CNTNAP3: variants seen among roughly 807,000 people sequenced by gnomAD.
CNTNAP3 encodes contactin associated protein family member 3.
Under a neutral mutation model 92.1 loss-of-function variants are expected in CNTNAP3, and 36 were observed. That is an observed-to-expected ratio of 0.39 (90% CI 0.30 to 0.52). The LOEUF is 0.52. Among genes scored for constraint, CNTNAP3 ranks in the 20% least tolerant of loss-of-function variants. The probability of loss-of-function intolerance (pLI) is 0.76; values close to 1 mark genes in which losing one functional copy is unlikely to be tolerated. For synonymous variants in CNTNAP3, 232 were observed against 422.3 expected, an observed-to-expected ratio of 0.55 and a Z score of 5.53; for missense variants, 534 against 1,069.6, an observed-to-expected ratio of 0.50 and a Z score of 6.98.
chr9:39,084,612 T>A (rs1587698173), intron 21 of CNTNAP3, among the ~76,000 whole-genome samples: 1 of 152,304 alleles, frequency 6.6e-6, no homozygotes. Context: ...ATTAGTGGCT[T>A]CTCTATTAGC....
At chr9:39,096,672 T>C (rs561582341) in intron 18 of CNTNAP3, among the ~76,000 whole-genome samples, 1 of 151,470 alleles carries the variant, frequency 6.6e-6, no homozygotes, top group South Asian at 2.1e-4. Flanking sequence ...AGTTTCTTCA[T>C]GACAATAGTT....
intron 21 of CNTNAP3, among the ~76,000 whole-genome samples, chr9:39,084,656 A>C: frequency 6.6e-6 from 1 of 152,196 alleles, no homozygotes; most frequent in Non-Finnish European, 1.5e-5. Context: ...TAAGTTAAGG[A>C]AAGCACTTCC....
chr9:39,099,306 C>T (rs1826398110), intron 18 of CNTNAP3, among the ~76,000 whole-genome samples: 1 of 152,298 alleles, frequency 6.6e-6, no homozygotes, highest in East Asian at 1.9e-4. Context: ...TGATACCCCA[C>T]TGCACTCCTC....
chr9:39,085,469 A>G, intron 21 of CNTNAP3: 1 of 454,272 alleles, frequency 2.2e-6, no homozygotes. Context: ...AAGAAGGATT[A>G]GAAAAATACC....
intron 13 of CNTNAP3, among the ~76,000 whole-genome samples, chr9:39,127,937 C>T (rs1449914562): frequency 2.6e-5 from 4 of 152,222 alleles, no homozygotes; most frequent in African/African-American, 9.6e-5. Context: ...CTCCCAAGTT[C>T]AAGCGATTCT....
At chr9:39,097,433 G>T (rs1826351457) in intron 18 of CNTNAP3, among the ~76,000 whole-genome samples, 1 of 151,976 alleles carries the variant, frequency 6.6e-6, no homozygotes. Flanking sequence ...TTCTTGCCTT[G>T]CCTCTCCTGG....
At chr9:39,083,264 A>G (rs536888736) in intron 21 of CNTNAP3, among the ~76,000 whole-genome samples, 6 of 152,210 alleles carry the variant, frequency 3.9e-5, no homozygotes, top group African/African-American at 1.4e-4. Context: ...ATTCATATGC[A>G]ACTGTTTACA....
At chr9:39,102,874 T>C (rs1254382559) in intron 16 of CNTNAP3, among the ~76,000 whole-genome samples, 159 bp from the exon 17 acceptor site, 1 of 152,148 alleles carries the variant, frequency 6.6e-6, no homozygotes, top group African/African-American at 2.4e-5. Flanking sequence ...AGAATAAATC[T>C]GTATCCTGGA....
intron 13 of CNTNAP3, among the ~76,000 whole-genome samples, chr9:39,130,501 T>C (rs1821257335): frequency 7.4e-6 from 1 of 135,644 alleles, no homozygotes; most frequent in Non-Finnish European, 1.7e-5. Context: ...AATTCTTTTT[T>C]TTTTTTTTTT....
At position 39,109,187 on chromosome 9, in the gene CNTNAP3, G is replaced by A; in HGVS notation, c.2338C>T (p.Leu780=). The A allele has an allele frequency of 6.2e-7, 1 of 1,613,024 alleles. No homozygotes were observed. The highest frequency in any genetic ancestry group is 8.5e-7 in the Non-Finnish European group (1 of 1,179,794). The change falls in exon 15 of 24, where the codon CTG becomes TTG. Residue 780 remains leucine (L), a synonymous_variant. Transcript: ENST00000297668. ...GRPHSEAAYT[L]GPLLCRGDQS... ...TCTCCGCGGCAGAGCAGTGGCCCCA[G>A]TGTATAAGCTGCTTCGGAATGTGGT... is the stretch of plus-strand genomic sequence containing the variant.
intron 21 of CNTNAP3, among the ~76,000 whole-genome samples, chr9:39,083,532 G>A (rs183857650): frequency 0.036 from 5,436 of 151,744 alleles, 194 homozygotes; most frequent in Non-Finnish European, 0.043. Context: ...GGTGGTACAT[G>A]CCTGTAATCC....
intron 4 of CNTNAP3, among the ~76,000 whole-genome samples, chr9:39,180,263 ATT>A (rs139815720): frequency 1.3e-3 from 3 of 2,264 alleles, no homozygotes; most frequent in Admixed American, 3.3e-3. Context: ...TATTTGAGCT[ATT>A]TTTTTTTTTT....
At chr9:39,141,284 T>C (rs1359813890) in intron 11 of CNTNAP3, among the ~76,000 whole-genome samples, 6 of 152,190 alleles carry the variant, frequency 3.9e-5, no homozygotes. Context: ...AATAATCTGG[T>C]ATTTTCCCAT....
At chr9:39,139,646 T>C (rs1301427257) in intron 12 of CNTNAP3, 2 of 152,140 alleles carry the variant, frequency 1.3e-5, no homozygotes, top group African/African-American at 4.8e-5. Context: ...TTGCAGAGAG[T>C]TGGAAGAGCT....
intron 18 of CNTNAP3, among the ~76,000 whole-genome samples, chr9:39,095,585 T>A (rs186977824): frequency 6.9e-6 from 1 of 145,726 alleles, no homozygotes; most frequent in Non-Finnish European, 1.5e-5. Flanking sequence ...AAGATAATCA[T>A]GTTTTTTTTC....
chr9:39,127,266 T>C (rs1048189984), intron 13 of CNTNAP3, among the ~76,000 whole-genome samples: 1 of 151,992 alleles, frequency 6.6e-6, no homozygotes, highest in African/African-American at 2.4e-5. Context: ...TATCAAAATA[T>C]GTGAAATGTA....
rs555787095 is a variant in CNTNAP3 at position 39,120,789 on chromosome 9, T to C, written c.2081-2530A>G. Among the ~76,000 whole-genome samples, 10 of 152,150 alleles carry C rather than the reference T, an allele frequency of 6.6e-5. No homozygotes were observed. In the East Asian group the frequency reaches 1.9e-3, roughly 29 times the overall value. The stretch of plus-strand genomic sequence containing the variant: ...GGTTTTTCAAAAAGAAAGGAAAATA[T>C]AACAAAGGATTCTTGGAACATCAGG... On this transcript the variant is annotated intron_variant, in intron 13 of 23. Coordinates refer to ENST00000297668, the MANE Select transcript of CNTNAP3 (RefSeq NM_033655.5).
chr9:39,136,214 A>G (rs1211738571), intron 12 of CNTNAP3, among the ~76,000 whole-genome samples: 2 of 151,876 alleles, frequency 1.3e-5, no homozygotes, highest in Non-Finnish European at 2.9e-5. Flanking sequence ...ATGGTTTCAC[A>G]TAGTGAAGTC....
intron 15 of CNTNAP3, among the ~76,000 whole-genome samples, chr9:39,105,416 C>A (rs962727848): frequency 6.6e-6 from 1 of 152,066 alleles, no homozygotes; most frequent in Non-Finnish European, 1.5e-5. Flanking sequence ...GACAGAGCAA[C>A]TCTCCATCTC....
Sources: gnomAD v4.1 joint callset for allele counts (sites outside exome capture counted in the v4.1 genomes callset) on GRCh38, gnomAD v4.1.1 for gene constraint, MANE v1.5 for transcripts, NCBI Gene and HGNC (gene_info 2026-07-23, HGNC 2026-07-21) for gene names.